Variants in NUBPL observed in about 807,000 individuals in gnomAD.
NUBPL encodes the protein iron-sulfur cluster transfer protein NUBPL.
A neutral mutation model predicts 45.7 loss-of-function variants in NUBPL; 31 were observed. The ratio of observed to expected loss-of-function variants is 0.68; its 90% CI spans 0.51 to 0.92. NUBPL has a LOEUF of 0.92. NUBPL is among the 40% of genes least tolerant of loss of function. NUBPL has a pLI of 0.00. For synonymous variants in NUBPL, 144 were observed against 140.9 expected (o/e 1.02, Z -0.15); for missense variants, 401 against 398.7 (o/e 1.01, Z -0.05).
Position 31,626,298 on chromosome 14 carries a change from C to T in NUBPL, c.382+26919C>T, listed in dbSNP as rs190007054. ...TCAGCCTCCTTAGTAGTAGTCCCAG[C>T]GCCTGGCTAATTTTTGTATTTTTAG... On this transcript the variant is annotated intron_variant, in intron 4 of 10. Transcript: ENST00000281081. Among the ~76,000 whole-genome samples, 36 of 152,132 alleles carry T rather than the reference C, an allele frequency of 2.4e-4. No individual in the cohort carries two copies. In the East Asian group the frequency reaches 6.2e-3, roughly 26 times the overall value.
intron 6 of NUBPL, among the ~76,000 whole-genome samples, chr14:31,731,773 C>A (rs1166026503): frequency 1.3e-5 from 2 of 152,142 alleles, no homozygotes; most frequent in Non-Finnish European, 2.9e-5. Context: ...ACACAGCCTC[C>A]TTTTCTAGCC....
chr14:31,765,546 C>G (rs1005880429), intron 6 of NUBPL, among the ~76,000 whole-genome samples: 3 of 152,094 alleles, frequency 2.0e-5, no homozygotes, highest in African/African-American at 7.2e-5. Context: ...ACATGGCCAC[C>G]TGTCCACATC....
intron 3 of NUBPL, among the ~76,000 whole-genome samples, chr14:31,580,029 G>C (rs1000656062): frequency 2.0e-5 from 3 of 152,158 alleles, no homozygotes; most frequent in African/African-American, 7.2e-5. Flanking sequence ...CTTGCCTCTT[G>C]GTTGTTTCAA....
At chr14:31,588,118 C>G (rs2034042180) in intron 3 of NUBPL, among the ~76,000 whole-genome samples, 3 of 152,188 alleles carry the variant, frequency 2.0e-5, no homozygotes, top group Admixed American at 2.0e-4. Context: ...CCTGCAGACT[C>G]TGAAGCCCTG....
At chr14:31,697,486 C>CT (rs2037238595) in intron 6 of NUBPL, among the ~76,000 whole-genome samples, 1 of 152,218 alleles carries the variant, frequency 6.6e-6, no homozygotes, top group East Asian at 1.9e-4. Context: ...AGAAGCATGC[C>CT]TTTTTTACTC....
chr14:31,670,572 C>G (rs151112194), intron 4 of NUBPL, among the ~76,000 whole-genome samples: 101 of 152,128 alleles, frequency 6.6e-4, no homozygotes, highest in African/African-American at 2.3e-3. Context: ...GATGGTAATA[C>G]CTAGGTTGTC....
At position 31,846,541 on chromosome 14, in the gene NUBPL, G is replaced by A; in HGVS notation, c.764G>A (p.Gly255Asp). ...TGTAAACACAAAACTCATATTTTTG[G>A]TGCTGATGGTGCAAGGAAACTAGCA... ...PKCKHKTHIF[G>D]ADGARKLAQT... The change falls in exon 9 of 11, where the codon GGT (glycine) becomes GAT (aspartate). Residue 255 changes from glycine to aspartate, a missense_variant. Physicochemically the swap from Gly to Asp is moderately conservative, Grantham distance 94. Transcript: ENST00000281081. The A allele has an allele frequency of 6.2e-7, 1 of 1,613,440 alleles. No homozygotes were observed. The highest frequency in any genetic ancestry group is 1.3e-5 in the African/African-American group (1 of 74,996).
At chr14:31,795,462 G>A (rs1277597160) in intron 7 of NUBPL, among the ~76,000 whole-genome samples, 1 of 49,356 alleles carries the variant, frequency 2.0e-5, no homozygotes, top group Non-Finnish European at 3.9e-5. Flanking sequence ...CTTGTAAGTT[G>A]GATTCCTAGG....
intron 6 of NUBPL, among the ~76,000 whole-genome samples, chr14:31,673,899 T>C (rs570993931): frequency 2.0e-5 from 3 of 152,316 alleles, no homozygotes; most frequent in South Asian, 4.1e-4. Context: ...ATTAATCTCA[T>C]TGTGGTCAAT....
At chr14:31,732,072 T>C (rs2038061132) in intron 6 of NUBPL, among the ~76,000 whole-genome samples, 1 of 151,250 alleles carries the variant, frequency 6.6e-6, no homozygotes, top group Non-Finnish European at 1.5e-5. Context: ...GGTGTGCCTG[T>C]AATCGCAGCT....
chr14:31,857,736 C>T (rs754402340), intron 10 of NUBPL, among the ~76,000 whole-genome samples: 4 of 152,186 alleles, frequency 2.6e-5, no homozygotes, highest in Non-Finnish European at 5.9e-5. Flanking sequence ...CAGTTCCCAA[C>T]AACTTCCTCA....
intron 3 of NUBPL, among the ~76,000 whole-genome samples, chr14:31,593,561 C>T (rs1229627229): frequency 1.4e-5 from 2 of 142,114 alleles, no homozygotes; most frequent in African/African-American, 2.6e-5. Context: ...GGTATGGGGG[C>T]GGAGGTGTCC....
intron 6 of NUBPL, among the ~76,000 whole-genome samples, chr14:31,750,502 CATT>C (rs2038503812): frequency 6.6e-6 from 1 of 151,814 alleles, no homozygotes; most frequent in Non-Finnish European, 1.5e-5. Flanking sequence ...TGGCCACAAT[CATT>C]ATTTTTAATT....
intron 4 of NUBPL, among the ~76,000 whole-genome samples, chr14:31,665,682 G>C (rs1428759766): frequency 1.3e-5 from 2 of 152,160 alleles, no homozygotes; most frequent in Non-Finnish European, 2.9e-5. Context: ...AGTGTGATGT[G>C]GTGCTAAGAA....
At chr14:31,721,765 C>G (rs932923020) in intron 6 of NUBPL, among the ~76,000 whole-genome samples, 2 of 152,022 alleles carry the variant, frequency 1.3e-5, no homozygotes, top group African/African-American at 2.4e-5. Flanking sequence ...CTCCCTCCCC[C>G]CATTCTCCAC....
At chr14:31,762,356 G>A (rs956192882) in intron 6 of NUBPL, among the ~76,000 whole-genome samples, 32 of 152,288 alleles carry the variant, frequency 2.1e-4, no homozygotes, top group Non-Finnish European at 3.7e-4. Flanking sequence ...AGGATGAGTA[G>A]TTTTTGAAGG....
chr14:31,570,721 T>G (rs11156690), intron 3 of NUBPL, among the ~76,000 whole-genome samples: 4 of 152,024 alleles, frequency 2.6e-5, no homozygotes, highest in Admixed American at 2.6e-4. Flanking sequence ...CGTGCTACTT[T>G]TGGGTCATTC....
chr14:31,735,383 TA>T (rs1229298459), intron 6 of NUBPL, among the ~76,000 whole-genome samples: 1 of 152,174 alleles, frequency 6.6e-6, no homozygotes, highest in Non-Finnish European at 1.5e-5. Context: ...GTATCACAAG[TA>T]GTATCTGAAC....
intron 6 of NUBPL, among the ~76,000 whole-genome samples, chr14:31,770,868 A>T (rs574314392): frequency 1.3e-5 from 2 of 152,352 alleles, no homozygotes; most frequent in African/African-American, 4.8e-5. Context: ...AGGCGGTTTC[A>T]GTACTTAAAA....
Sources: gnomAD v4.1 joint callset for allele counts (sites outside exome capture counted in the v4.1 genomes callset) on GRCh38, gnomAD v4.1.1 for gene constraint, MANE v1.5 for transcripts, NCBI Gene and HGNC (gene_info 2026-07-23, HGNC 2026-07-21) for gene names.